Variants in CTNNA3 observed in about 807,000 individuals in gnomAD.
CTNNA3 encodes catenin alpha 3.
CTNNA3 carries 76 observed loss-of-function variants against 95.7 expected under a neutral mutation model. The ratio of observed to expected loss-of-function variants is 0.79; its 90% confidence interval spans 0.66 to 0.96. The LOEUF is 0.96. CTNNA3 is among the 40% of genes least tolerant of loss of function. CTNNA3 has a pLI of 0.00. For missense variants in CTNNA3, 1,191 were observed against 1,089.8 expected (o/e 1.09, Z -1.31); for synonymous variants, 431 against 374.4 (o/e 1.15, Z -1.74).
intron 3 of CTNNA3, among the ~76,000 whole-genome samples, chr10:67,560,060 T>A (rs370811804): frequency 1.5e-4 from 23 of 152,192 alleles, no homozygotes; most frequent in East Asian, 9.7e-4. Flanking sequence ...TGGAAAACAC[T>A]CTGCAGGATA....
intron 12 of CTNNA3, among the ~76,000 whole-genome samples, chr10:66,287,515 G>C (rs1267976764): frequency 6.6e-6 from 1 of 151,924 alleles, no homozygotes; most frequent in Non-Finnish European, 1.5e-5. Flanking sequence ...CTATTGCTTG[G>C]ATGTAAGAAT....
intron 5 of CTNNA3, among the ~76,000 whole-genome samples, chr10:67,259,301 T>C (rs1866493851): frequency 6.6e-6 from 1 of 152,194 alleles, no homozygotes; most frequent in Admixed American, 6.6e-5. Flanking sequence ...CATATTTTTA[T>C]AGATTGGAGA....
rs1274263694 is a variant in CTNNA3, at chr10:66,354,080, C to G, written c.1732+25072G>C. Among the ~76,000 whole-genome samples, 3 of 151,920 alleles carry G rather than the reference C, an allele frequency of 2.0e-5. No homozygotes were observed. In the East Asian group the frequency reaches 5.8e-4, roughly 29 times the overall value. On this transcript the variant is annotated intron_variant, in intron 12 of 17. Transcript: ENST00000433211. The stretch of plus-strand genomic sequence containing the variant: ...GGCAGATAGCCTGATGTCAGGAGGT[C>G]GAGACCAGCCTGGCCAACATGGCAA...
At chr10:65,939,864 A>T (rs1162153876) in intron 17 of CTNNA3, among the ~76,000 whole-genome samples, 1 of 152,142 alleles carries the variant, frequency 6.6e-6, no homozygotes, top group Non-Finnish European at 1.5e-5. Flanking sequence ...GTATTTTGGG[A>T]AAAAGTAACC....
At chr10:66,946,361 A>G (rs1002030241) in intron 7 of CTNNA3, among the ~76,000 whole-genome samples, 3 of 152,184 alleles carry the variant, frequency 2.0e-5, no homozygotes, top group African/African-American at 7.2e-5. Context: ...TTAATATGTG[A>G]GAGACATTTG....
chr10:66,024,368 C>G (rs913942711), intron 15 of CTNNA3, among the ~76,000 whole-genome samples: 1 of 152,134 alleles, frequency 6.6e-6, no homozygotes, highest in Admixed American at 6.5e-5. Context: ...GGATTACAGG[C>G]GTGAGCCACC....
chr10:66,262,849 T>G (rs2091045674), intron 13 of CTNNA3, among the ~76,000 whole-genome samples: 2 of 151,918 alleles, frequency 1.3e-5, no homozygotes, highest in South Asian at 4.1e-4. Context: ...TATATAAGGT[T>G]TTTTTTCAAT....
At chr10:67,387,632 A>G (rs1844247654) in intron 5 of CTNNA3, among the ~76,000 whole-genome samples, 1 of 152,188 alleles carries the variant, frequency 6.6e-6, no homozygotes. Flanking sequence ...AAAAGACAGC[A>G]GTAACCTCTG....
chr10:67,550,244 G>A (rs1589414368), intron 3 of CTNNA3, among the ~76,000 whole-genome samples: 1 of 152,068 alleles, frequency 6.6e-6, no homozygotes, highest in East Asian at 1.9e-4. Context: ...AGCATCTCAG[G>A]AATTTCCCAT....
At chr10:67,416,304 C>T (rs1845535531) in intron 5 of CTNNA3, among the ~76,000 whole-genome samples, 1 of 151,934 alleles carries the variant, frequency 6.6e-6, no homozygotes, top group South Asian at 2.1e-4. Flanking sequence ...CAGAAAATAA[C>T]CCCATTAAAA....
At chr10:66,861,045 T>G (rs1288147038) in intron 7 of CTNNA3, among the ~76,000 whole-genome samples, 4 of 152,218 alleles carry the variant, frequency 2.6e-5, no homozygotes, top group African/African-American at 9.6e-5. Context: ...ATTGCAGTCA[T>G]GTCTTCTTAA....
intron 7 of CTNNA3, among the ~76,000 whole-genome samples, chr10:66,987,276 T>C (rs1472112587): frequency 6.6e-6 from 1 of 152,136 alleles, no homozygotes; most frequent in Non-Finnish European, 1.5e-5. Flanking sequence ...ATTGACATTG[T>C]AACAGGGGAG....
chr10:67,355,871 G>T (rs1226779236), intron 5 of CTNNA3, among the ~76,000 whole-genome samples: 1 of 151,852 alleles, frequency 6.6e-6, no homozygotes, highest in East Asian at 1.9e-4. Flanking sequence ...TAGTGAAGAG[G>T]GAATCCCAGA....
chr10:66,870,430 C>A (rs1844351702), intron 7 of CTNNA3, among the ~76,000 whole-genome samples: 1 of 152,126 alleles, frequency 6.6e-6, no homozygotes, highest in Non-Finnish European at 1.5e-5. Flanking sequence ...TAATATAATT[C>A]AATTTCCTTT....
intron 1 of CTNNA3, among the ~76,000 whole-genome samples, chr10:67,702,604 A>T (rs1210670959): frequency 1.3e-5 from 2 of 152,262 alleles, no homozygotes; most frequent in Non-Finnish European, 2.9e-5. Flanking sequence ...ACATGCCAGA[A>T]TCTCTGGGAC....
chr10:67,582,153 G>C (rs1475305842), intron 3 of CTNNA3, among the ~76,000 whole-genome samples: 2 of 140,964 alleles, frequency 1.4e-5, no homozygotes, highest in African/African-American at 5.3e-5. Context: ...TGTGATGTTA[G>C]GGTGTCAATT....
At chr10:67,377,695 A>T (rs1235140189) in intron 5 of CTNNA3, among the ~76,000 whole-genome samples, 2 of 152,180 alleles carry the variant, frequency 1.3e-5, no homozygotes, top group African/African-American at 4.8e-5. Context: ...GTGATGTTTC[A>T]ATGCCTATAA....
intron 5 of CTNNA3, among the ~76,000 whole-genome samples, chr10:67,256,111 T>C (rs1453871474): frequency 2.0e-5 from 3 of 152,306 alleles, no homozygotes; most frequent in Middle Eastern, 3.4e-3. Context: ...ATCACCAAAC[T>C]GGACTAGATT....
intron 13 of CTNNA3, among the ~76,000 whole-genome samples, chr10:66,208,329 A>T (rs987780646): frequency 1.3e-5 from 2 of 152,166 alleles, no homozygotes; most frequent in African/African-American, 2.4e-5. Context: ...CAGGAAATAG[A>T]TTACAAAGAG....
Sources: gnomAD v4.1 joint callset for allele counts (sites outside exome capture counted in the v4.1 genomes callset) on GRCh38, gnomAD v4.1.1 for gene constraint, MANE v1.5 for transcripts, NCBI Gene and HGNC (gene_info 2026-07-23, HGNC 2026-07-21) for gene names.